The following SLC38A6 variants were observed in gnomAD, a reference collection of about 807,000 sequenced individuals.
The protein encoded by SLC38A6 is N system amino acid transporter NAT-1.
SLC38A6 carries 73 observed loss-of-function variants against 65.0 expected under a neutral mutation model. The ratio of observed to expected loss-of-function variants is 1.12; its 90% CI spans 0.93 to 1.37. The LOEUF is 1.37. SLC38A6 is among the 40% of genes most tolerant of loss of function. The probability of loss-of-function intolerance (pLI) is 0.00; values close to 1 mark genes in which losing one functional copy is unlikely to be tolerated. For synonymous variants in SLC38A6, 183 were observed against 178.8 expected (o/e 1.02, Z -0.19); for missense variants, 561 against 531.1 (o/e 1.06, Z -0.55).
intron 3 of SLC38A6, among the ~76,000 whole-genome samples, chr14:61,006,484 A>G (rs1421333338): frequency 1.3e-5 from 2 of 152,234 alleles, no homozygotes; most frequent in Non-Finnish European, 2.9e-5. Flanking sequence ...ATTTACAGGA[A>G]AAAAACAACC....
chr14:60,990,319 T>A (rs904148635), intron 3 of SLC38A6, among the ~76,000 whole-genome samples: 1 of 152,012 alleles, frequency 6.6e-6, no homozygotes, highest in African/African-American at 2.4e-5. Flanking sequence ...GTGTGAGTGA[T>A]CTCTTTTCTT....
intron 5 of SLC38A6, among the ~76,000 whole-genome samples, chr14:61,024,592 G>C (rs1012304250): frequency 6.6e-6 from 1 of 152,230 alleles, no homozygotes; most frequent in African/African-American, 2.4e-5. Flanking sequence ...TAGAAAGTAA[G>C]TATAAGGTAG....
intron 3 of SLC38A6, among the ~76,000 whole-genome samples, chr14:60,989,921 C>G (rs1245894596): frequency 6.6e-6 from 1 of 152,170 alleles, no homozygotes; most frequent in Non-Finnish European, 1.5e-5. Context: ...CTAGTTCTTC[C>G]TGTTTCATCA....
rs569356922 is a variant in SLC38A6 at position 61,050,486 on chromosome 14, T to C, written c.926-26T>C. ...CTATTGATACCTTAGTACTTTATAA[T>C]GTGATCCTTATTATTTTATTTACAG... On this transcript the variant is annotated intron_variant, in intron 12 of 15. Transcript: ENST00000267488. 5.4e-5 allele frequency: 78 copies of C among 1,445,600 alleles called. No homozygotes were observed. The South Asian group carries it at 1.0e-3, about 18-fold the overall frequency. 89.5% of individuals were successfully genotyped at this position (1,445,600 alleles called of 1,614,324 possible). A position where few individuals can be genotyped will look rare whatever the true frequency, so the allele number is the denominator to read the frequency against.
intron 15 of SLC38A6, among the ~76,000 whole-genome samples, chr14:61,076,368 T>C (rs1248837654): frequency 6.6e-6 from 1 of 152,248 alleles, no homozygotes; most frequent in Non-Finnish European, 1.5e-5. Flanking sequence ...ACTACTGAGC[T>C]GGCACTTCGG....
chr14:61,078,618 T>C (rs1203933918), intron 15 of SLC38A6, among the ~76,000 whole-genome samples: 1 of 152,066 alleles, frequency 6.6e-6, no homozygotes, highest in African/African-American at 2.4e-5. Context: ...GCTAGTTATC[T>C]AAAAACCACA....
chr14:61,054,119 A>G (rs1291728104), downstream of SLC38A6, among the ~76,000 whole-genome samples: 1 of 152,150 alleles, frequency 6.6e-6, no homozygotes, highest in Non-Finnish European at 1.5e-5. Context: ...AGCATCATTT[A>G]TTGAATAGTG....
At chr14:61,068,304 T>G (rs1210556368) in intron 15 of SLC38A6, among the ~76,000 whole-genome samples, 1 of 152,176 alleles carries the variant, frequency 6.6e-6, no homozygotes, top group East Asian at 1.9e-4. Context: ...ACTTTCATAC[T>G]GCAAAGTAGT....
At chr14:60,988,638 T>G (rs1031598398) in intron 3 of SLC38A6, among the ~76,000 whole-genome samples, 1 of 152,182 alleles carries the variant, frequency 6.6e-6, no homozygotes, top group African/African-American at 2.4e-5. Context: ...TAACTCACCC[T>G]CTCAAGTACT....
At chr14:61,003,901 A>C (rs529090489) in intron 3 of SLC38A6, among the ~76,000 whole-genome samples, 1 of 152,130 alleles carries the variant, frequency 6.6e-6, no homozygotes. Flanking sequence ...GGATTTGACC[A>C]TTGTAGTCAG....
chr14:61,022,360 C>A (rs2040387037), intron 5 of SLC38A6, among the ~76,000 whole-genome samples: 1 of 151,838 alleles, frequency 6.6e-6, no homozygotes, highest in South Asian at 2.1e-4. Context: ...AAAGTAGTTT[C>A]TTGATTGATA....
chr14:61,007,369 C>G (rs932513249), intron 3 of SLC38A6, among the ~76,000 whole-genome samples: 8 of 152,120 alleles, frequency 5.3e-5, no homozygotes, highest in Middle Eastern at 3.4e-3. Context: ...GTGGCTCACA[C>G]CAGTAATCCC....
At chr14:61,012,745 G>A (rs2039677474) in intron 3 of SLC38A6, among the ~76,000 whole-genome samples, 1 of 151,988 alleles carries the variant, frequency 6.6e-6, no homozygotes, top group African/African-American at 2.4e-5. Context: ...TGTGGTCTGA[G>A]AGACAGTTTG....
At chr14:61,074,705 CCCTCCCTT>C (rs112732627) in intron 15 of SLC38A6, among the ~76,000 whole-genome samples, 7 of 52,832 alleles carry the variant, frequency 1.3e-4, no homozygotes, top group African/African-American at 3.4e-4. Context: ...CTCCCTCCCT[CCCTCCCTT>C]CCTTCCTTCC....
At chr14:60,989,710 G>A (rs969714012) in intron 3 of SLC38A6, among the ~76,000 whole-genome samples, 9 of 152,116 alleles carry the variant, frequency 5.9e-5, no homozygotes, top group African/African-American at 2.2e-4. Flanking sequence ...GGGGACGGGA[G>A]TGAAACCCTG....
chr14:61,020,639 C>G (rs147547051), intron 5 of SLC38A6, among the ~76,000 whole-genome samples: 284 of 152,066 alleles, frequency 1.9e-3, no homozygotes, highest in African/African-American at 6.7e-3. Context: ...GCATGCCATA[C>G]CAAATAATTT....
intron 3 of SLC38A6, chr14:60,987,614 CCTGGGGCAAAAATGCCCA>C (rs1390198739): frequency 6.6e-6 from 1 of 152,188 alleles, no homozygotes; most frequent in South Asian, 2.1e-4. Flanking sequence ...ATGAGTGCTC[CCTGGGGCAAAAATGCCCA>C]CTGGGGCAAA....
chr14:61,044,722 C>A (rs1220136466), intron 10 of SLC38A6, among the ~76,000 whole-genome samples: 1 of 151,986 alleles, frequency 6.6e-6, no homozygotes, highest in East Asian at 1.9e-4. Context: ...CTTAAGTATT[C>A]TAATAATAAA....
chr14:61,009,393 A>G (rs7142271), intron 3 of SLC38A6, among the ~76,000 whole-genome samples: 20 of 152,068 alleles, frequency 1.3e-4, no homozygotes, highest in Admixed American at 1.2e-3. Flanking sequence ...AATAACTTTT[A>G]TTTTAAATTA....
Sources: gnomAD v4.1 joint callset for allele counts (sites outside exome capture counted in the v4.1 genomes callset) on GRCh38, gnomAD v4.1.1 for gene constraint, MANE v1.5 for transcripts, NCBI Gene and HGNC (gene_info 2026-07-23, HGNC 2026-07-21) for gene names.